Variants in TRPC4AP observed in about 807,000 individuals in gnomAD.
TRPC4AP encodes transient receptor potential cation channel subfamily C member 4 associated protein.
TRPC4AP carries 45 observed loss-of-function variants against 99.0 expected under a neutral mutation model. That is an observed-to-expected ratio of 0.45 (90% CI 0.36 to 0.58). The LOEUF (loss-of-function observed/expected upper bound fraction) is 0.58, where lower values mean the gene tolerates loss of function less well. TRPC4AP is among the 20% of genes least tolerant of loss of function. The pLI, the probability that TRPC4AP is intolerant of heterozygous loss-of-function variation, is 0.00. For synonymous variants in TRPC4AP, 408 were observed against 385.8 expected, an observed-to-expected ratio of 1.06 and a Z score of -0.67; for missense variants, 879 against 985.3, an observed-to-expected ratio of 0.89 and a Z score of 1.44.
chr20:35,020,052 T>C (rs1215062643), intron 9 of TRPC4AP, among the ~76,000 whole-genome samples: 1 of 152,170 alleles, frequency 6.6e-6, no homozygotes. Flanking sequence ...GCGAAAAACC[T>C]TGGGAGTCAC....
chr20:35,021,287 T>C lies in TRPC4AP; in HGVS notation c.1121A>G (p.Gln374Arg), dbSNP rs11905247. ...NGLPHTSARTQLPQSMKIMHE... is the reference protein window; with the variant it reads ...NGLPHTSARTRLPQSMKIMHE... ...CATAATCTTCATTGACTGGGGCAGC[T>C]GGGTTCTGGCTGACGTGTGAGGCAG... Residue 374 changes from glutamine (Q) to arginine (R), a missense_variant, in exon 9 of 19, where the codon CAG becomes CGG. Around this residue, in one of 3 missense-constraint regions of TRPC4AP, gnomAD observed 603 missense variants for 631.8 expected, o/e 0.95. Coordinates refer to ENST00000252015, the MANE Select transcript of TRPC4AP (RefSeq NM_015638.3). 1.9e-6 allele frequency: 3 copies of C among 1,614,202 alleles called. No individual in the cohort carries two copies. In the Admixed American group the frequency reaches 5.0e-5, roughly 27 times the overall value.
intron 8 of TRPC4AP, among the ~76,000 whole-genome samples, chr20:35,029,260 A>G (rs1214482851): frequency 2.0e-5 from 3 of 152,012 alleles, no homozygotes; most frequent in African/African-American, 7.2e-5. Context: ...CCAACTTTTT[A>G]AAAGTACAGC....
intron 6 of TRPC4AP, among the ~76,000 whole-genome samples, chr20:35,048,014 C>A (rs1354705686): frequency 8.5e-5 from 13 of 152,056 alleles, no homozygotes. Context: ...TCCACTGATA[C>A]ACACACTCAC....
chr20:35,016,987 T>C (rs2082770150), intron 9 of TRPC4AP, among the ~76,000 whole-genome samples: 1 of 152,146 alleles, frequency 6.6e-6, no homozygotes, highest in Non-Finnish European at 1.5e-5. Flanking sequence ...GGAAGAGTGT[T>C]TGGCAGTAGC....
At position 35,010,205 on chromosome 20, in the gene TRPC4AP, G is replaced by C. The variant is rs2082602303; in HGVS notation, c.1493C>G (p.Ala498Gly). ...CACTCACCTGTCGGTGTTGAGGACA[G>C]CTTCCACCTCAGGGATGTTGGCCTT... ...SLKANIPEVE[A>G]VLNTDRSLVC... Residue 498 changes from alanine (A) to glycine (G), a missense_variant, in exon 12 of 19, where the codon GCT becomes GGT. Coordinates refer to ENST00000252015, the MANE Select transcript of TRPC4AP (RefSeq NM_015638.3). 6.2e-7 allele frequency: 1 copy of C among 1,614,054 alleles called. No homozygotes were observed. The highest frequency in any genetic ancestry group is 1.3e-5 in the African/African-American group (1 of 74,948).
intron 5 of TRPC4AP, among the ~76,000 whole-genome samples, chr20:35,052,751 C>T (rs1415964239): frequency 6.6e-6 from 1 of 152,194 alleles, no homozygotes; most frequent in Non-Finnish European, 1.5e-5. Flanking sequence ...CTCAGCCTCC[C>T]AAATTGCTGG....
chr20:35,042,386 G>C (rs1289249391), intron 7 of TRPC4AP, among the ~76,000 whole-genome samples: 1 of 152,154 alleles, frequency 6.6e-6, no homozygotes, highest in East Asian at 1.9e-4. Context: ...TGAATGGCAG[G>C]TTCATATTCA....
At chr20:35,005,620 C>T (rs762540798) in intron 16 of TRPC4AP, 75 bp downstream of exon 16, 61 of 1,394,140 alleles carry the variant, frequency 4.4e-5, no homozygotes, top group Non-Finnish European at 6.1e-5. Flanking sequence ...TCTTGTCTCC[C>T]TGCTGGAGAC....
intron 2 of TRPC4AP, among the ~76,000 whole-genome samples, chr20:35,077,635 C>G (rs544465764): frequency 6.6e-6 from 1 of 152,312 alleles, no homozygotes; most frequent in South Asian, 2.1e-4. Context: ...AATCATCAAA[C>G]CTGGCCCCTT....
chr20:35,032,267 T>C (rs1203692056), intron 8 of TRPC4AP, among the ~76,000 whole-genome samples: 4 of 151,426 alleles, frequency 2.6e-5, no homozygotes, highest in African/African-American at 9.7e-5. Flanking sequence ...TCAAATGCTC[T>C]GCCCGCCTCA....
intron 1 of TRPC4AP, among the ~76,000 whole-genome samples, chr20:35,084,546 ATATATGTTTATATGCATATATG>A (rs2084757858): frequency 6.8e-6 from 1 of 146,170 alleles, no homozygotes; most frequent in African/African-American, 2.5e-5. Context: ...ATGTATATGT[ATATATGTTTATATGCATATATG>A]TGTATATGTA....
intron 3 of TRPC4AP, among the ~76,000 whole-genome samples, chr20:35,061,081 C>A (rs1234201407): frequency 1.3e-5 from 2 of 152,076 alleles, no homozygotes; most frequent in Non-Finnish European, 2.9e-5. Flanking sequence ...ATCTAGAATA[C>A]AGAAAATTCC....
At chr20:35,091,447 CAAATT>C (rs1301797996) in intron 1 of TRPC4AP, among the ~76,000 whole-genome samples, 1 of 152,098 alleles carries the variant, frequency 6.6e-6, no homozygotes, top group East Asian at 1.9e-4. Context: ...AAGTGATATT[CAAATT>C]AAATTTAAAT....
chr20:35,079,735 G>A (rs974567439), intron 1 of TRPC4AP, among the ~76,000 whole-genome samples: 2 of 152,132 alleles, frequency 1.3e-5, no homozygotes, highest in Non-Finnish European at 2.9e-5. Context: ...TGATAAAGGA[G>A]TATTATGAAC....
chr20:35,056,065 T>A (rs2083818882), intron 4 of TRPC4AP, among the ~76,000 whole-genome samples: 2 of 152,202 alleles, frequency 1.3e-5, no homozygotes, highest in Admixed American at 1.3e-4. Context: ...CAGATCCCAA[T>A]GGGCAGCCCT....
intron 3 of TRPC4AP, among the ~76,000 whole-genome samples, chr20:35,068,971 ACACAC>A (rs1569140227): frequency 4.6e-5 from 3 of 64,654 alleles, no homozygotes; most frequent in African/African-American, 2.5e-4. Flanking sequence ...ACACACACAC[ACACAC>A]ACAAAAAAAA....
intron 5 of TRPC4AP, among the ~76,000 whole-genome samples, chr20:35,052,872 T>C (rs974892944): frequency 6.6e-6 from 1 of 152,074 alleles, no homozygotes; most frequent in East Asian, 1.9e-4. Context: ...TTTACACAAG[T>C]CCCCACTCCA....
intron 9 of TRPC4AP, 33 bp downstream of exon 9, chr20:35,021,157 C>G (rs756884729): frequency 3.4e-5 from 54 of 1,598,290 alleles, no homozygotes; most frequent in Non-Finnish European, 4.4e-5. Context: ...AGCACCTGCT[C>G]CCCGTGTCCT....
intron 11 of TRPC4AP, among the ~76,000 whole-genome samples, chr20:35,011,031 C>T (rs1308683804): frequency 3.9e-5 from 6 of 152,128 alleles, no homozygotes; most frequent in Non-Finnish European, 7.4e-5. Flanking sequence ...AAGGTCCAGG[C>T]GGGTGGATCA....
Sources: allele counts gnomAD v4.1 joint callset (sites outside exome capture counted in the v4.1 genomes callset), GRCh38; gene constraint gnomAD v4.1.1; regional missense constraint gnomAD v4.1.1; transcripts MANE v1.5; gene names NCBI Gene and HGNC (gene_info 2026-07-23, HGNC 2026-07-21).